Variants in CLNK observed in about 807,000 individuals in gnomAD.
The protein encoded by CLNK is cytokine-dependent hematopoietic cell linker.
CLNK carries 74 observed loss-of-function variants against 68.6 expected under a neutral mutation model. The observed-to-expected ratio is 1.08, with a 90% CI of 0.89 to 1.31. The LOEUF (loss-of-function observed/expected upper bound fraction) is 1.31, where lower values mean the gene tolerates loss of function less well. Among genes scored for constraint, CLNK ranks in the 50% most tolerant of loss-of-function variants. The probability of loss-of-function intolerance (pLI) is 0.00; values close to 1 mark genes in which losing one functional copy is unlikely to be tolerated. For synonymous variants in CLNK, 198 were observed against 172.2 expected, an observed-to-expected ratio of 1.15 and a Z score of -1.17; for missense variants, 553 against 515.3, an observed-to-expected ratio of 1.07 and a Z score of -0.71.
intron 4 of CLNK, among the ~76,000 whole-genome samples, chr4:10,581,896 C>A (rs1055145977): frequency 2.0e-5 from 3 of 152,082 alleles, no homozygotes; most frequent in Non-Finnish European, 2.9e-5. Flanking sequence ...CTCTTTTTAA[C>A]CCTTGGTCAG....
chr4:10,592,602 G>T (rs1374534379), intron 3 of CLNK, among the ~76,000 whole-genome samples: 1 of 151,546 alleles, frequency 6.6e-6, no homozygotes, highest in Non-Finnish European at 1.5e-5. Flanking sequence ...AGCATCCTAG[G>T]GTTATCCACA....
At chr4:10,549,926 T>A (rs572475118) in intron 8 of CLNK, among the ~76,000 whole-genome samples, 2 of 152,324 alleles carry the variant, frequency 1.3e-5, no homozygotes, top group South Asian at 4.1e-4. Context: ...ACAAAGTTAC[T>A]GCTTTTGGGT....
intron 7 of CLNK, among the ~76,000 whole-genome samples, chr4:10,561,835 G>A (rs1719898246): frequency 6.6e-6 from 1 of 151,670 alleles, no homozygotes; most frequent in Non-Finnish European, 1.5e-5. Flanking sequence ...ATGAACTGGG[G>A]AAAGACTCGG....
At chr4:10,653,428 C>A (rs1723835104) in intron 2 of CLNK, among the ~76,000 whole-genome samples, 1 of 151,874 alleles carries the variant, frequency 6.6e-6, no homozygotes, top group Non-Finnish European at 1.5e-5. Flanking sequence ...CTATTTTTTA[C>A]AACTGCCATA....
chr4:10,592,017 C>T (rs539358223), intron 3 of CLNK, among the ~76,000 whole-genome samples: 20 of 152,328 alleles, frequency 1.3e-4, no homozygotes, highest in Non-Finnish European at 2.4e-4. Context: ...CCCTCTTGGC[C>T]GAGTGAGGCT....
At chr4:10,532,044 G>A (rs985852158) in intron 12 of CLNK, among the ~76,000 whole-genome samples, 5 of 152,302 alleles carry the variant, frequency 3.3e-5, no homozygotes, top group Admixed American at 2.0e-4. Flanking sequence ...GAATGACCAT[G>A]GTGGCCAAAC....
At chr4:10,566,366 A>G (rs1402523906) in intron 5 of CLNK, among the ~76,000 whole-genome samples, 1 of 152,240 alleles carries the variant, frequency 6.6e-6, no homozygotes, top group Non-Finnish European at 1.5e-5. Context: ...TACTGAATCA[A>G]TACTAATCTA....
intron 10 of CLNK, 88 bp downstream of exon 10, chr4:10,541,934 G>A: frequency 1.0e-6 from 1 of 980,762 alleles, no homozygotes; most frequent in South Asian, 1.5e-5. Flanking sequence ...GATTTTCAAT[G>A]TCAAATGTTT....
At chr4:10,667,741 A>AGTG (rs376510113) in intron 2 of CLNK, 118 bp downstream of exon 2, 3 of 369,788 alleles carry the variant, frequency 8.1e-6, no homozygotes, top group Non-Finnish European at 1.2e-5. Flanking sequence ...CCTCTCAGGA[A>AGTG]ATCCCTTTTC....
At chr4:10,568,837 C>A (rs1720226079) in intron 5 of CLNK, among the ~76,000 whole-genome samples, 1 of 152,188 alleles carries the variant, frequency 6.6e-6, no homozygotes, top group Non-Finnish European at 1.5e-5. Flanking sequence ...TGTGCCCAGA[C>A]TTCTGATTGC....
chr4:10,578,167 T>G (rs1720640894), intron 4 of CLNK, among the ~76,000 whole-genome samples: 2 of 152,242 alleles, frequency 1.3e-5, no homozygotes, highest in African/African-American at 4.8e-5. Flanking sequence ...CAGTGCCCAG[T>G]AACAAGATGC....
chr4:10,716,612 G>A, the CLNK span, among the ~76,000 whole-genome samples: 1 of 150,976 alleles, frequency 6.6e-6, no homozygotes, highest in East Asian at 1.9e-4. Flanking sequence ...AGACACAGAT[G>A]AGAAAAGCCT....
chr4:10,523,132 T>C (rs974333354), intron 14 of CLNK, among the ~76,000 whole-genome samples: 18 of 152,156 alleles, frequency 1.2e-4, no homozygotes, highest in African/African-American at 4.3e-4. Context: ...ATTCAACACA[T>C]GTTTTAGAGA....
At chr4:10,640,593 C>T (rs949559028) in intron 2 of CLNK, among the ~76,000 whole-genome samples, 9 of 152,186 alleles carry the variant, frequency 5.9e-5, no homozygotes, top group East Asian at 3.8e-4. Flanking sequence ...TTAAGGAAAC[C>T]GCATGAACAT....
chr4:10,677,837 C>CAATAATAATAATAATAATAATAAT (rs68067128), intron 1 of CLNK, among the ~76,000 whole-genome samples: 43 of 149,168 alleles, frequency 2.9e-4, no homozygotes, highest in Admixed American at 1.1e-3. Flanking sequence ...ATAAAAATAG[C>CAATAATAATAATAATAATAATAAT]AATAATAATA....
chr4:10,549,978 G>T (rs1719383322), intron 8 of CLNK, among the ~76,000 whole-genome samples: 1 of 152,198 alleles, frequency 6.6e-6, no homozygotes, highest in African/African-American at 2.4e-5. Context: ...TGCAGAATCC[G>T]ATGGACCTTG....
At chr4:10,671,541 T>C (rs912295234) in intron 1 of CLNK, among the ~76,000 whole-genome samples, 2 of 152,192 alleles carry the variant, frequency 1.3e-5, no homozygotes, top group East Asian at 3.8e-4. Context: ...GAAAGCACCA[T>C]ACTCTGATCT....
chr4:10,683,562 T>C (rs1725167794), intron 1 of CLNK, among the ~76,000 whole-genome samples: 1 of 152,238 alleles, frequency 6.6e-6, no homozygotes, highest in Non-Finnish European at 1.5e-5. Context: ...CTTGCACATA[T>C]TACTTAGAGA....
chr4:10,657,798 T>C (rs1394191174), intron 2 of CLNK, among the ~76,000 whole-genome samples: 3 of 152,190 alleles, frequency 2.0e-5, no homozygotes, highest in African/African-American at 7.2e-5. Context: ...TCCTTCTGAT[T>C]TTGCACTGCA....
Sources: allele counts gnomAD v4.1 joint callset (sites outside exome capture counted in the v4.1 genomes callset), GRCh38; gene constraint gnomAD v4.1.1; transcripts MANE v1.5; gene names NCBI Gene and HGNC (gene_info 2026-07-23, HGNC 2026-07-21).